Variants in ABCB10 observed in about 807,000 individuals in gnomAD.
ABCB10 encodes the protein ATP-binding cassette sub-family B member 10, mitochondrial.
Under a neutral mutation model 65.4 loss-of-function variants are expected in ABCB10, and 54 were observed. The observed-to-expected ratio is 0.83, with a 90% CI of 0.66 to 1.04. The LOEUF (loss-of-function observed/expected upper bound fraction) is 1.04. Among genes scored for constraint, ABCB10 ranks in the 50% least tolerant of loss-of-function variants. The pLI is 0.00. For synonymous variants in ABCB10, 418 were observed against 406.5 expected (o/e 1.03, Z -0.34); for missense variants, 846 against 976.6 (o/e 0.87, Z 1.78).
chr1:229,555,895 A>C (rs1234901312), intron 1 of ABCB10, among the ~76,000 whole-genome samples: 1 of 151,710 alleles, frequency 6.6e-6, no homozygotes, highest in Non-Finnish European at 1.5e-5. Context: ...ATAACTTCTC[A>C]GGAAATCATA....
chr1:229,541,972 A>G (rs1392787857), intron 4 of ABCB10, among the ~76,000 whole-genome samples: 2 of 151,930 alleles, frequency 1.3e-5, no homozygotes, highest in South Asian at 4.1e-4. Flanking sequence ...AACAAAAAAA[A>G]AAAGAAAGAA....
At chr1:229,521,466 A>C (rs10799534) in intron 11 of ABCB10, 126 bp downstream of exon 11, 219,360 of 1,071,124 alleles carry the variant, frequency 0.2, 24,322 homozygotes, top group Middle Eastern at 0.26. Flanking sequence ...TCACCCTCCC[A>C]CTCCAAGAAA....
intron 9 of ABCB10, among the ~76,000 whole-genome samples, chr1:229,526,566 C>A (rs1388441283): frequency 6.6e-6 from 1 of 152,256 alleles, no homozygotes; most frequent in African/African-American, 2.4e-5. Context: ...GATGTCCCTA[C>A]ACTCCTGAGC....
At chr1:229,547,389 C>A (rs1010605088) in intron 3 of ABCB10, 110 bp downstream of exon 3, 22 of 1,274,890 alleles carry the variant, frequency 1.7e-5, no homozygotes, top group Middle Eastern at 2.7e-4. Context: ...TGGCTCTAGG[C>A]ACTTACAGAA....
rs1663304429 is a variant in ABCB10 at position 229,558,119 on chromosome 1, G to A, written c.517+17C>T. ...AGGAGAGGCCCGGCGGAGGGAAGTG[G>A]CCGGGGAGGACCCTACCTGCCAGCC... is the stretch of plus-strand genomic sequence containing the variant. On this transcript the variant is annotated intron_variant, in intron 1 of 12. Coordinates refer to ENST00000344517, the MANE Select transcript of ABCB10 (RefSeq NM_012089.3). 3.7e-6 allele frequency: 5 copies of A among 1,364,444 alleles called. No individual in the cohort carries two copies. The highest frequency in any genetic ancestry group is 4.7e-6 in the Non-Finnish European group (5 of 1,060,390). The allele number at this position is 1,364,444 out of a possible 1,614,324, so 84.5% of individuals were successfully genotyped here.
intron 4 of ABCB10, among the ~76,000 whole-genome samples, chr1:229,541,994 A>G (rs1184174199): frequency 6.6e-6 from 1 of 151,934 alleles, no homozygotes; most frequent in African/African-American, 2.4e-5. Context: ...AGAAATAGTG[A>G]TAGTAACAAG....
chr1:229,537,476 A>G (rs982063166), intron 6 of ABCB10, among the ~76,000 whole-genome samples: 3 of 152,232 alleles, frequency 2.0e-5, no homozygotes, highest in Admixed American at 1.3e-4. Context: ...CTATAAAAGT[A>G]TAAAATTACT....
rs906284226 is a variant in ABCB10 at position 229,527,306 on chromosome 1, T to C, written c.1648A>G (p.Thr550Ala). The C allele has an allele frequency of 1.5e-5, 22 of 1,513,506 alleles. No individual in the cohort carries two copies. In the African/African-American group the frequency reaches 4.1e-4, roughly 28 times the overall value. 93.8% of individuals were successfully genotyped at this position (1,513,506 alleles called of 1,614,324 possible). ...LLRLYDPASG[T>A]ISLDGHDIRQ... is the part of the protein sequence containing the mutation. ...ATGTCATGGCCATCAAGACTAATAG[T>C]TCCTTGTTGAGAGGAAAGGAAAGGA... is the stretch of plus-strand genomic sequence containing the variant. The change falls in exon 9 of 13, where the codon ACT (threonine) becomes GCT (alanine). Residue 550 changes from threonine to alanine, a missense_variant and splice_region_variant. By Grantham distance (58) the Thr-to-Ala change is moderately conservative. Coordinates refer to ENST00000344517, the MANE Select transcript of ABCB10 (RefSeq NM_012089.3).
intron 4 of ABCB10, among the ~76,000 whole-genome samples, chr1:229,541,950 TCAAAAAAAAAAAA>T (rs967955818): frequency 3.0e-4 from 38 of 124,846 alleles, no homozygotes; most frequent in African/African-American, 1.1e-3. Flanking sequence ...GTACCTTGTC[TCAAAAAAAAAAAA>T]CAAAAAAAAA....
chr1:229,523,411 T>C (rs530285989), intron 10 of ABCB10, among the ~76,000 whole-genome samples: 377 of 152,332 alleles, frequency 2.5e-3, no homozygotes, highest in African/African-American at 8.9e-3. Flanking sequence ...TTATCAACAG[T>C]AGTTGCTGGA....
intron 8 of ABCB10, 41 bp downstream of exon 8, chr1:229,530,158 C>A (rs767169475): frequency 1.2e-6 from 2 of 1,603,096 alleles, no homozygotes; most frequent in East Asian, 4.5e-5. Context: ...GAGCAGAGCT[C>A]GGGAGAGTCC....
intron 11 of ABCB10, 179 bp from the exon 12 acceptor site, chr1:229,519,054 GAAA>G: frequency 2.1e-6 from 1 of 482,584 alleles, no homozygotes; most frequent in South Asian, 3.2e-5. Flanking sequence ...TCACTTATAT[GAAA>G]TGTCCACAAC....
At chr1:229,551,794 C>G (rs1370993606) in intron 1 of ABCB10, among the ~76,000 whole-genome samples, 1 of 152,214 alleles carries the variant, frequency 6.6e-6, no homozygotes, top group African/African-American at 2.4e-5. Context: ...GAACTGGCAG[C>G]TCCAGAAAGA....
In ABCB10 at chr1:229,558,296, C is replaced by G. The variant is rs1663312765; in HGVS notation, c.357G>C (p.Pro119=). 2 of 1,239,196 alleles carry G rather than the reference C, an allele frequency of 1.6e-6. No individual in the cohort carries two copies. Among genetic ancestry groups the G allele is most frequent in the Non-Finnish European group, 2.0e-6 (2 of 991,720 alleles). 76.8% of individuals were successfully genotyped at this position (1,239,196 alleles called of 1,614,324 possible). Residue 119 remains proline, a synonymous_variant, in exon 1 of 13, where the codon CCG becomes CCC. Coordinates refer to ENST00000344517, the MANE Select transcript of ABCB10 (RefSeq NM_012089.3). ...GAPRLPRARF[P]GGPAAAAWAG... ...CCCAGGCAGCGGCTGCGGGACCGCC[C>G]GGGAACCGGGCGCGCGGGAGCCGAG... is the stretch of plus-strand genomic sequence containing the variant.
intron 10 of ABCB10, among the ~76,000 whole-genome samples, chr1:229,522,516 T>C (rs1231156028): frequency 2.0e-5 from 3 of 152,232 alleles, no homozygotes; most frequent in African/African-American, 7.2e-5. Flanking sequence ...CTGACTAATC[T>C]TTTTAAAAAT....
rs1292232018 is a variant in ABCB10 at position 229,558,335 on chromosome 1, G to A, written c.318C>T (p.Ala106=). Residue 106 remains alanine, a synonymous_variant, in exon 1 of 13, where the codon GCC becomes GCT. Transcript: ENST00000344517. ...GCGGGAGCCGAGGAGCGCCTGGCCC[G>A]GCAAAAGCCCCGCACCTGCAGCTGC... The part of the protein sequence containing the change: ...GPGSCRCGAF[A]GPGAPRLPRA... 2 of 1,256,856 alleles carry A rather than the reference G, an allele frequency of 1.6e-6. No homozygotes were observed. The highest frequency in any genetic ancestry group is 2.1e-5 in the South Asian group (1 of 48,630). 77.9% of individuals were successfully genotyped at this position (1,256,856 alleles called of 1,614,324 possible).
At chr1:229,554,390 T>C (rs1411179148) in intron 1 of ABCB10, among the ~76,000 whole-genome samples, 1 of 152,026 alleles carries the variant, frequency 6.6e-6, no homozygotes, top group Non-Finnish European at 1.5e-5. Flanking sequence ...TGCTCTAGAG[T>C]TAGGAGTATC....
At chr1:229,539,855 T>C (rs1241014311) in intron 5 of ABCB10, among the ~76,000 whole-genome samples, 3 of 152,158 alleles carry the variant, frequency 2.0e-5, no homozygotes, top group Non-Finnish European at 4.4e-5. Context: ...TTGCAAAAGA[T>C]AAAAGTAATA....
intron 9 of ABCB10, among the ~76,000 whole-genome samples, chr1:229,526,743 TTG>T (rs1286586100): frequency 6.6e-6 from 1 of 152,220 alleles, no homozygotes; most frequent in Non-Finnish European, 1.5e-5. Flanking sequence ...CCAAAGGGTC[TTG>T]TGAAAATGGC....
Sources: allele counts gnomAD v4.1 joint callset (sites outside exome capture counted in the v4.1 genomes callset), GRCh38; gene constraint gnomAD v4.1.1; transcripts MANE v1.5; gene names NCBI Gene and HGNC (gene_info 2026-07-23, HGNC 2026-07-21).